The following DNAAF11 variants were observed in gnomAD, a reference collection of about 807,000 sequenced individuals.
The protein encoded by DNAAF11 is leucine rich repeat containing 6.
DNAAF11 carries 45 observed loss-of-function variants against 60.8 expected under a neutral mutation model. The ratio of observed to expected loss-of-function variants is 0.74; its 90% CI spans 0.58 to 0.95. DNAAF11 has a LOEUF of 0.95. Among genes scored for constraint, DNAAF11 ranks in the 40% least tolerant of loss-of-function variants. DNAAF11 has a pLI of 0.00. For synonymous variants in DNAAF11, 191 were observed against 183.5 expected (o/e 1.04, Z -0.33); for missense variants, 546 against 546.2 (o/e 1.00, Z 0.00).
chr8:132,648,128 G>A (rs954215342), intron 3 of DNAAF11, among the ~76,000 whole-genome samples: 30 of 152,088 alleles, frequency 2.0e-4, no homozygotes, highest in Non-Finnish European at 2.2e-4. Flanking sequence ...CTGGCAAACC[G>A]AATCCAGCAG....
chr8:132,662,599 A>G (rs1277632393), intron 1 of DNAAF11, among the ~76,000 whole-genome samples: 5 of 152,240 alleles, frequency 3.3e-5, no homozygotes, highest in Admixed American at 3.3e-4. Flanking sequence ...ATGTATTAAT[A>G]TATGACTATC....
rs140705465 is a variant in DNAAF11, at chr8:132,648,311, C to T, written c.256+8519G>A. ...AAGGCCTTTGACAAAATTCAACAGC[C>T]CTTCATGCGAAAAACTCTCAATAAA... On this transcript the variant is annotated intron_variant, in intron 3 of 11. Transcript: ENST00000620350. Among the ~76,000 whole-genome samples the T allele has an allele frequency of 1.1e-3, 161 of 152,198 alleles. 1 individual carries two copies. The East Asian group carries it at 0.025, about 24-fold the overall frequency.
the DNAAF11 span, among the ~76,000 whole-genome samples, chr8:132,690,880 C>A: frequency 3.9e-5 from 6 of 152,158 alleles, no homozygotes; most frequent in Non-Finnish European, 7.4e-5. Flanking sequence ...AGATAAAGTG[C>A]CATTTTCATA....
At chr8:132,644,959 C>T (rs1202748193) in intron 3 of DNAAF11, among the ~76,000 whole-genome samples, 1 of 152,184 alleles carries the variant, frequency 6.6e-6, no homozygotes, top group Non-Finnish European at 1.5e-5. Flanking sequence ...TTAAACGTCC[C>T]TGTCTGACAG....
At position 132,625,293 on chromosome 8, in the gene DNAAF11, C is replaced by T. The variant is rs756639943; in HGVS notation, c.815G>A (p.Arg272Gln). The T allele has an allele frequency of 1.0e-5, 16 of 1,603,440 alleles. No homozygotes were observed. The highest frequency in any genetic ancestry group is 6.8e-5 in the South Asian group (6 of 88,068). Residue 272 changes from arginine (R) to glutamine (Q), a missense_variant, in exon 6 of 12, where the codon CGG (arginine) becomes CAG (glutamine). Transcript: ENST00000620350. ...ATACCTTAATTTTTCCTGTTTCTTC[C>T]GTTGTTTTTCCATGTGTCTAAGAGT... is the stretch of plus-strand genomic sequence containing the variant. ...LETLRHMEKQ[R>Q]KKQEKLSEKK... is the part of the protein sequence containing the mutation.
At chr8:132,677,553 T>C (rs143798727), upstream of DNAAF11, among the ~76,000 whole-genome samples, 13 of 152,286 alleles carry the variant, frequency 8.5e-5, no homozygotes, top group African/African-American at 3.1e-4. Context: ...GGCTCTAAGC[T>C]TCTATCCTCA....
At chr8:132,646,304 C>T (rs1412786379) in intron 3 of DNAAF11, among the ~76,000 whole-genome samples, 1 of 152,134 alleles carries the variant, frequency 6.6e-6, no homozygotes, top group Admixed American at 6.5e-5. Flanking sequence ...TTTGTCACCA[C>T]CAGGCCTGCC....
intron 11 of DNAAF11, among the ~76,000 whole-genome samples, chr8:132,578,005 T>C (rs549365279): frequency 2.0e-5 from 3 of 152,242 alleles, no homozygotes; most frequent in African/African-American, 7.2e-5. Context: ...CCAAAACAAA[T>C]GTAGGAAGTT....
At chr8:132,597,816 T>C (rs1016819319) in intron 10 of DNAAF11, among the ~76,000 whole-genome samples, 1 of 152,246 alleles carries the variant, frequency 6.6e-6, no homozygotes, top group Non-Finnish European at 1.5e-5. Flanking sequence ...CATTTCATTG[T>C]ATCTACTTTT....
intron 3 of DNAAF11, among the ~76,000 whole-genome samples, chr8:132,645,351 C>A (rs1319970858): frequency 1.3e-5 from 2 of 152,056 alleles, no homozygotes; most frequent in Non-Finnish European, 2.9e-5. Context: ...TCATCAAAGA[C>A]CAAAGGTAGA....
intron 11 of DNAAF11, among the ~76,000 whole-genome samples, chr8:132,575,124 C>T (rs1814604937): frequency 2.0e-5 from 3 of 152,170 alleles, no homozygotes; most frequent in Non-Finnish European, 2.9e-5. Flanking sequence ...TACTGCAAGT[C>T]AAGAGGCAGT....
At chr8:132,692,463 C>T in the DNAAF11 span, among the ~76,000 whole-genome samples, 62 of 152,278 alleles carry the variant, frequency 4.1e-4, no homozygotes, top group African/African-American at 1.4e-3. Flanking sequence ...CCAAGCTGGC[C>T]AACCTGCAGA....
intron 10 of DNAAF11, among the ~76,000 whole-genome samples, chr8:132,594,438 C>T (rs1009249131): frequency 2.0e-5 from 3 of 152,066 alleles, no homozygotes; most frequent in Non-Finnish European, 4.4e-5. Context: ...AAGAAAAGTC[C>T]TTCTAAAAAT....
chr8:132,679,806 G>A (rs551136281), upstream of DNAAF11, among the ~76,000 whole-genome samples: 4 of 152,252 alleles, frequency 2.6e-5, no homozygotes, highest in East Asian at 5.8e-4. Flanking sequence ...GACATGACTT[G>A]CTCTTCCTTG....
intron 3 of DNAAF11, among the ~76,000 whole-genome samples, chr8:132,648,643 G>A (rs867189110): frequency 3.3e-5 from 5 of 152,092 alleles, no homozygotes; most frequent in Admixed American, 1.3e-4. Context: ...CCTTAAGCTG[G>A]TAAGCAACTT....
At chr8:132,680,925 G>A in the DNAAF11 span, among the ~76,000 whole-genome samples, 1 of 148,390 alleles carries the variant, frequency 6.7e-6, no homozygotes, top group Admixed American at 6.7e-5. Context: ...TATTAGGTTG[G>A]TGCAAAAGTA....
At chr8:132,678,123 C>T (rs531058434), upstream of DNAAF11, among the ~76,000 whole-genome samples, 1 of 150,548 alleles carries the variant, frequency 6.6e-6, no homozygotes, top group Admixed American at 6.6e-5. Flanking sequence ...AATAAACTTT[C>T]TATCTGAGGA....
intron 8 of DNAAF11, among the ~76,000 whole-genome samples, chr8:132,613,524 A>G (rs989084140): frequency 1.3e-5 from 2 of 152,222 alleles, no homozygotes; most frequent in African/African-American, 4.8e-5. Flanking sequence ...CCATGAAGAC[A>G]GAGAATGGGC....
At chr8:132,621,950 G>C (rs1819805898) in intron 7 of DNAAF11, among the ~76,000 whole-genome samples, 2 of 152,212 alleles carry the variant, frequency 1.3e-5, no homozygotes, top group South Asian at 4.1e-4. Flanking sequence ...TCATGACAGA[G>C]CAAATGAAAT....
Sources: gnomAD v4.1 joint callset for allele counts (sites outside exome capture counted in the v4.1 genomes callset) on GRCh38, gnomAD v4.1.1 for gene constraint, MANE v1.5 for transcripts, NCBI Gene and HGNC (gene_info 2026-07-23, HGNC 2026-07-21) for gene names.